The following ALAS2 variants were observed in gnomAD, a reference collection of about 807,000 sequenced individuals.
The protein encoded by ALAS2 is 5-aminolevulinate synthase, erythroid-specific, mitochondrial.
ALAS2 carries 3 observed loss-of-function variants against 33.7 expected under a neutral mutation model. The ratio of observed to expected loss-of-function variants is 0.09; its 90% confidence interval spans 0.04 to 0.23. ALAS2 has a LOEUF of 0.23. Ranked by LOEUF, ALAS2 falls within the 10% of genes least tolerant of loss-of-function variation. ALAS2 has a pLI of 1.00. For missense variants in ALAS2, 304 were observed against 475.1 expected, an observed-to-expected ratio of 0.64 and a Z score of 3.35; for synonymous variants, 191 against 177.3, an observed-to-expected ratio of 1.08 and a Z score of -0.61.
At position 55,013,526 on chromosome X, in the gene ALAS2, G is replaced by T. The variant is rs150055592; in HGVS notation, c.1560C>A (p.Pro520=). The change falls in exon 10 of 11, where the codon CCC becomes CCA. Residue 520 remains proline, a synonymous_variant. Coordinates refer to ENST00000650242, the MANE Select transcript of ALAS2 (RefSeq NM_000032.5). The stretch of plus-strand genomic sequence containing the variant: ...TCATCTGAGGGCTGTGGTGGGGGGA[G>T]GGTGCCAAGCGCAGGAGCTCTTCAC... The part of the protein sequence containing the change: ...PRGEELLRLA[P]SPHHSPQMME... 3.9e-3 allele frequency: 4,670 copies of T among 1,209,514 alleles called. 13 individuals are homozygous for T. The highest frequency in any genetic ancestry group is 8.0e-3 in the Middle Eastern group (35 of 4,354).
intron 1 of ALAS2, among the ~76,000 whole-genome samples, chrX:55,030,326 A>C (rs1377710414): frequency 9.0e-6 from 1 of 111,405 alleles, no homozygotes; most frequent in Admixed American, 9.6e-5. Context: ...TATTTCTGCT[A>C]ATTATTCATC....
chrX:55,009,452 A>G, intron 10 of ALAS2, 109 bp from the exon 11 acceptor site: 1 of 810,950 alleles, frequency 1.2e-6, no homozygotes, highest in Non-Finnish European at 1.7e-6. Context: ...CCTTCAAGAT[A>G]CCTCAGGGCC....
At chrX:55,020,615 A>G (rs1208695940) in intron 5 of ALAS2, 111 bp from the exon 6 acceptor site, 2 of 761,053 alleles carry the variant, frequency 2.6e-6, no homozygotes, top group African/African-American at 4.2e-5. Flanking sequence ...TAGTGATCCT[A>G]TATAAACTGT....
intron 9 of ALAS2, 33 bp downstream of exon 9, chrX:55,014,714 T>G (rs184231427): frequency 2.2e-5 from 25 of 1,123,461 alleles, no homozygotes; most frequent in Middle Eastern, 3.5e-4. Context: ...AATAAATAGG[T>G]GGAGAGGGCA....
intron 5 of ALAS2, 101 bp downstream of exon 5, chrX:55,020,951 A>G: frequency 1.3e-6 from 1 of 743,336 alleles, no homozygotes; most frequent in Non-Finnish European, 2.0e-6. Flanking sequence ...AAGTGGTGAT[A>G]GAACCCAAGT....
At chrX:55,026,071 A>G in intron 1 of ALAS2, 56 bp from the exon 2 acceptor site, 2 of 1,096,751 alleles carry the variant, frequency 1.8e-6, no homozygotes, top group Non-Finnish European at 2.5e-6. Context: ...CAAAAAGCCA[A>G]GCCTTTGATC....
At chrX:55,017,435 T>C (rs1935721113) in intron 7 of ALAS2, 51 bp downstream of exon 7, 7 of 1,041,472 alleles carry the variant, frequency 6.7e-6, no homozygotes, top group Admixed American at 2.2e-5. Flanking sequence ...ATGATCATCA[T>C]GGTTTTTGTG....
At chrX:55,020,850 T>C (rs1172352155) in intron 5 of ALAS2, among the ~76,000 whole-genome samples, 2 of 112,196 alleles carry the variant, frequency 1.8e-5, no homozygotes, top group Non-Finnish European at 3.8e-5. Context: ...TTCCCCTCCA[T>C]AGCATTGGAC....
intron 4 of ALAS2, among the ~76,000 whole-genome samples, chrX:55,021,630 C>T (rs769464983): frequency 4.5e-5 from 5 of 112,029 alleles, no homozygotes; most frequent in Non-Finnish European, 9.4e-5. Flanking sequence ...TTTGCCACTT[C>T]CTAGCTGTGT....
At chrX:55,014,641 C>T in intron 9 of ALAS2, 106 bp downstream of exon 9, 2 of 968,287 alleles carry the variant, frequency 2.1e-6, no homozygotes, top group Non-Finnish European at 2.7e-6. Flanking sequence ...GAATGGTTAG[C>T]AGGAAAGCAA....
chrX:55,025,815 C>G lies in ALAS2; in HGVS notation c.181+5G>C. 1 of 1,211,475 alleles carries G rather than the reference C, an allele frequency of 8.3e-7. No homozygotes were observed. Among genetic ancestry groups the G allele is most frequent in the South Asian group, 1.8e-5 (1 of 57,004 alleles). Reference sequence around the variant, plus strand: ...TCTCCCCTTTTGCTAGCAGCCTCTTCTTACCTCCTCCAGCCTTTGTTGCCT... The same window carrying G: ...TCTCCCCTTTTGCTAGCAGCCTCTTGTTACCTCCTCCAGCCTTTGTTGCCT... On this transcript the variant is annotated splice_donor_5th_base_variant and intron_variant, in intron 2 of 10. Transcript: ENST00000650242.
chrX:55,024,018 G>A (rs1380796448), intron 3 of ALAS2, 151 bp from the exon 4 acceptor site: 2 of 493,813 alleles, frequency 4.1e-6, no homozygotes, highest in Non-Finnish European at 7.1e-6. Flanking sequence ...TCTCCAAGGT[G>A]AGCTTCTATT....
At chrX:55,010,470 A>C (rs779509552) in intron 10 of ALAS2, among the ~76,000 whole-genome samples, 5 of 110,991 alleles carry the variant, frequency 4.5e-5, no homozygotes, top group African/African-American at 1.6e-4. Context: ...CTATGTACTC[A>C]ATTTTTCTGT....
At chrX:55,022,534 G>A (rs751603472) in intron 4 of ALAS2, among the ~76,000 whole-genome samples, 1 of 111,616 alleles carries the variant, frequency 9.0e-6, no homozygotes, top group East Asian at 2.8e-4. Context: ...TAATATCAAG[G>A]GCTGGTAAGG....
rs1230847778 is a variant in ALAS2, at chrX:55,017,474, T to A, written c.1003+12A>T. 8.3e-7 allele frequency: 1 copy of A among 1,199,849 alleles called. No homozygotes were observed. Among genetic ancestry groups the A allele is most frequent in the South Asian group, 1.8e-5 (1 of 56,706 alleles). ...CCAACACTAGTAAACATACACTCAC[T>A]CATATACATACCATCCATGGAGTGG... On this transcript the variant is annotated intron_variant, in intron 7 of 10. Coordinates refer to ENST00000650242, the MANE Select transcript of ALAS2 (RefSeq NM_000032.5).
At chrX:55,021,844 T>C (rs2146723234) in intron 4 of ALAS2, among the ~76,000 whole-genome samples, 1 of 112,519 alleles carries the variant, frequency 8.9e-6, no homozygotes, top group African/African-American at 3.2e-5. Flanking sequence ...TAAAGATAGC[T>C]AATATTCAAT....
At chrX:55,017,690 T>A (rs757369412) in intron 6 of ALAS2, 25 bp from the exon 7 acceptor site, 2 of 1,200,986 alleles carry the variant, frequency 1.7e-6, no homozygotes, top group Non-Finnish European at 2.3e-6. Context: ...GTATAATCCT[T>A]AAGCTTCTGT....
chrX:55,010,565 C>T (rs917670804), intron 10 of ALAS2, among the ~76,000 whole-genome samples: 10 of 111,158 alleles, frequency 9.0e-5, no homozygotes, highest in African/African-American at 3.3e-4. Context: ...GTCTTCCCTG[C>T]CTTAGGATGT....
intron 7 of ALAS2, 134 bp from the exon 8 acceptor site, chrX:55,015,876 C>T: frequency 1.4e-6 from 1 of 698,216 alleles, no homozygotes; most frequent in Non-Finnish European, 2.2e-6. Flanking sequence ...TGTGCGCCTT[C>T]ATTTAGAACT....
Sources: allele counts gnomAD v4.1 joint callset (sites outside exome capture counted in the v4.1 genomes callset), GRCh38; gene constraint gnomAD v4.1.1; transcripts MANE v1.5; gene names NCBI Gene and HGNC (gene_info 2026-07-23, HGNC 2026-07-21).